The following EIF5B variants were observed in gnomAD, a reference collection of about 807,000 sequenced individuals.
EIF5B encodes the protein eukaryotic translation initiation factor 5B, also known as eIF-5B.
A neutral mutation model predicts 147.5 loss-of-function variants in EIF5B; 47 were observed. The observed-to-expected ratio is 0.32, with a 90% CI of 0.25 to 0.41. The LOEUF (loss-of-function observed/expected upper bound fraction) is 0.41, where lower values mean the gene tolerates loss of function less well. EIF5B is among the 10% of genes least tolerant of loss of function. The probability of loss-of-function intolerance (pLI) is 1.00; values close to 1 mark genes in which losing one functional copy is unlikely to be tolerated. For synonymous variants in EIF5B, 455 were observed against 456.2 expected (o/e 1.00, Z 0.03); for missense variants, 1,064 against 1,413.2 (o/e 0.75, Z 3.96).
Position 99,376,484 on chromosome 2 carries a change from G to A in EIF5B, c.1690G>A (p.Glu564Lys), listed in dbSNP as rs774929931. The change falls in exon 10 of 24, where the codon GAG becomes AAG. Residue 564 changes from glutamate to lysine, a missense_variant. Transcript: ENST00000289371. ...EGESEGSEGD[E>K]EDEKVSDEKD... Reference sequence around the variant, plus strand: ...AGAAAGTGAAGGCAGTGAAGGTGATGAGGAAGATGAAAAGGTGTCAGATGA... The same window carrying A: ...AGAAAGTGAAGGCAGTGAAGGTGATAAGGAAGATGAAAAGGTGTCAGATGA... 1.9e-6 allele frequency: 3 copies of A among 1,612,782 alleles called. No individual in the cohort carries two copies. Among genetic ancestry groups the A allele is most frequent in the Admixed American group, 1.7e-5 (1 of 60,006 alleles).
chr2:99,337,790 C>G (rs950903400), intron 1 of EIF5B, among the ~76,000 whole-genome samples: 7 of 148,970 alleles, frequency 4.7e-5, no homozygotes, highest in Non-Finnish European at 1.0e-4. Flanking sequence ...GCGGGTCCTC[C>G]CAGTCGAGCC....
In EIF5B at chr2:99,379,523, G is replaced by A. The variant is rs1674645333; in HGVS notation, c.2061+95G>A. The A allele has an allele frequency of 1.2e-5, 11 of 893,652 alleles. No individual in the cohort carries two copies. The South Asian group carries it at 1.9e-4, about 16-fold the overall frequency. The allele number at this position is 893,652 out of a possible 1,614,324, so 55.4% of individuals were successfully genotyped here. A position where few individuals can be genotyped will look rare whatever the true frequency, so the allele number is the denominator to read the frequency against. ...AAAAAGGACAGAGACTAGGATAACA[G>A]CTCCATATACTCACCATTCAGAATT... On this transcript the variant is annotated intron_variant, in intron 12 of 23. Transcript: ENST00000289371.
chr2:99,399,490 T>C lies in EIF5B; in HGVS notation c.*76T>C, dbSNP rs1675152730. ...ATCCCAACAAAAATCAGACAAAAAA[T>C]GGAACAGACGTATTTGGACACTGAT... is the stretch of plus-strand genomic sequence containing the variant. On this transcript the variant is annotated 3_prime_UTR_variant, in exon 24 of 24. Coordinates refer to ENST00000289371, the MANE Select transcript of EIF5B (RefSeq NM_015904.4). 2 of 1,371,812 alleles carry C rather than the reference T, an allele frequency of 1.5e-6. No individual in the cohort carries two copies. The highest frequency in any genetic ancestry group is 2.9e-5 in the African/African-American group (2 of 69,628). 85.0% of individuals were successfully genotyped at this position (1,371,812 alleles called of 1,614,324 possible).
At chr2:99,367,643 T>TG (rs1674357569) in intron 6 of EIF5B, among the ~76,000 whole-genome samples, 1 of 151,962 alleles carries the variant, frequency 6.6e-6, no homozygotes, top group Admixed American at 6.6e-5. Flanking sequence ...TTAGTAGAGA[T>TG]GGGGTTTCAC....
intron 6 of EIF5B, among the ~76,000 whole-genome samples, chr2:99,366,456 T>C (rs1296401881): frequency 6.6e-5 from 10 of 152,248 alleles, no homozygotes; most frequent in African/African-American, 2.2e-4. Context: ...TTGTTTAATG[T>C]ATTCGTCTTA....
intron 14 of EIF5B, among the ~76,000 whole-genome samples, chr2:99,383,706 A>G (rs1344880636): frequency 2.0e-5 from 3 of 152,376 alleles, no homozygotes; most frequent in African/African-American, 7.2e-5. Context: ...CAAGTTATCC[A>G]GAAACTCTAG....
intron 17 of EIF5B, among the ~76,000 whole-genome samples, chr2:99,392,727 G>C (rs746708406): frequency 3.9e-5 from 6 of 151,928 alleles, no homozygotes; most frequent in Admixed American, 1.3e-4. Context: ...TCAGGATACC[G>C]GTTTGTTAGT....
intron 9 of EIF5B, among the ~76,000 whole-genome samples, chr2:99,373,956 G>A (rs1033208063): frequency 2.0e-4 from 31 of 152,058 alleles, no homozygotes; most frequent in Non-Finnish European, 2.9e-5. Context: ...AGGGACTTTA[G>A]AGTACTTGAA....
chr2:99,347,543 T>C (rs1490648400), intron 1 of EIF5B, among the ~76,000 whole-genome samples: 2 of 151,974 alleles, frequency 1.3e-5, no homozygotes, highest in African/African-American at 4.8e-5. Context: ...TTTTGCATTT[T>C]CAATAAGGTG....
At chr2:99,369,059 G>C (rs931584425) in intron 7 of EIF5B, among the ~76,000 whole-genome samples, 6 of 152,176 alleles carry the variant, frequency 3.9e-5, no homozygotes, top group Non-Finnish European at 5.9e-5. Context: ...GATCACCTGA[G>C]GTCAGGAGTC....
chr2:99,364,178 CAA>C (rs1447902536), intron 5 of EIF5B, 91 bp from the exon 6 acceptor site: 13 of 1,472,288 alleles, frequency 8.8e-6, no homozygotes, highest in South Asian at 3.0e-5. Flanking sequence ...GCATGTGTCT[CAA>C]GAGATTTATT....
chr2:99,396,684 G>A, intron 21 of EIF5B, 76 bp from the exon 22 acceptor site: 8 of 1,504,184 alleles, frequency 5.3e-6, no homozygotes, highest in Non-Finnish European at 7.1e-6. Context: ...GGAGAAGCCT[G>A]ATGTTCAGCT....
At chr2:99,382,952 GA>G (rs769558753) in intron 14 of EIF5B, 31 bp downstream of exon 14, 1 of 1,535,838 alleles carries the variant, frequency 6.5e-7, no homozygotes, top group South Asian at 1.3e-5. Flanking sequence ...ATTAACCTAG[GA>G]AAACATGTTT....
rs1254050576 is a variant in EIF5B at position 99,390,643 on chromosome 2, C to T, written c.2686C>T (p.Pro896Ser). The change falls in exon 17 of 24, where the codon CCC becomes TCC. Residue 896 changes from proline to serine, a missense_variant. Physicochemically the swap from Pro to Ser is moderately conservative, Grantham distance 74. Around this residue, in one of 4 missense-constraint regions of EIF5B, gnomAD observed 380 missense variants for 715.6 expected, o/e 0.53. Coordinates refer to ENST00000289371, the MANE Select transcript of EIF5B (RefSeq NM_015904.4). ...DTIIVPGVEGPIVTQIRGLLL... is the reference protein window; with the variant it reads ...DTIIVPGVEGSIVTQIRGLLL... ...AATCATTGTTCCTGGAGTAGAAGGG[C>T]CCATTGTAACTCAGATTCGAGGCCT... 6.2e-7 allele frequency: 1 copy of T among 1,612,104 alleles called. No individual in the cohort carries two copies. The highest frequency in any genetic ancestry group is 1.1e-5 in the South Asian group (1 of 91,028).
intron 1 of EIF5B, among the ~76,000 whole-genome samples, chr2:99,344,642 G>T (rs1231446629): frequency 6.6e-6 from 1 of 152,056 alleles, no homozygotes; most frequent in Admixed American, 6.6e-5. Flanking sequence ...TCACCATGTT[G>T]GCCAGGCTGG....
At chr2:99,372,906 T>C (rs1477814323) in intron 9 of EIF5B, among the ~76,000 whole-genome samples, 1 of 152,168 alleles carries the variant, frequency 6.6e-6, no homozygotes, top group Non-Finnish European at 1.5e-5. Flanking sequence ...TTGTTTTTGC[T>C]TTTGTTTTTT....
chr2:99,361,739 A>G lies in EIF5B; in HGVS notation c.838A>G (p.Thr280Ala). Residue 280 changes from threonine (T) to alanine (A), a missense_variant, in exon 4 of 24, where the codon ACT (threonine) becomes GCT (alanine). Physicochemically the swap from Thr to Ala is moderately conservative, Grantham distance 58. This residue lies in a region of EIF5B where 458 missense variants were observed against 451.3 expected (regional missense o/e 1.01). Transcript: ENST00000289371. ...ATCTCAAAGGAAATTTGAAGAAGAA[A>G]CTGTAAAATCCAAAGTGACTGTTGA... ...KESQRKFEEE[T>A]VKSKVTVDTG... 1 of 1,595,898 alleles carries G rather than the reference A, an allele frequency of 6.3e-7. No individual in the cohort carries two copies. The highest frequency in any genetic ancestry group is 8.5e-7 in the Non-Finnish European group (1 of 1,175,800).
chr2:99,358,729 C>A (rs886752713), intron 1 of EIF5B, among the ~76,000 whole-genome samples: 1 of 152,140 alleles, frequency 6.6e-6, no homozygotes, highest in African/African-American at 2.4e-5. Flanking sequence ...TTTGTACTTA[C>A]TGTGTCTGGT....
Position 99,386,468 on chromosome 2 carries a change from CGTGTGTGTGTGTGTGTGTGT to C in EIF5B, c.2272-3233_2272-3214del, listed in dbSNP as rs61494312. Among the ~76,000 whole-genome samples the C allele has an allele frequency of 4.7e-4, 67 of 142,482 alleles. 2 individuals are homozygous for C. Among genetic ancestry groups the C allele is most frequent in the East Asian group, 2.1e-4 (1 of 4,826 alleles). The allele number at this position is 142,482 out of a possible 152,430, so 93.5% of individuals were successfully genotyped here. A position where few individuals can be genotyped will look rare whatever the true frequency, so the allele number is the denominator to read the frequency against. ...TTTTCATTTTCTTTGTTTTGTTTTG[CGTGTGTGTGTGTGTGTGTGT>C]GTGTGTGTGTGTGTGTTGGAGACTG... On this transcript the variant is annotated intron_variant, in intron 14 of 23. Transcript: ENST00000289371.
Sources: allele counts gnomAD v4.1 joint callset (sites outside exome capture counted in the v4.1 genomes callset), GRCh38; gene constraint gnomAD v4.1.1; regional missense constraint gnomAD v4.1.1; transcripts MANE v1.5; gene names NCBI Gene and HGNC (gene_info 2026-07-23, HGNC 2026-07-21).